Variants in UNC5D observed in about 807,000 individuals in gnomAD.
UNC5D encodes the protein unc-5 netrin receptor D.
In UNC5D, 39 loss-of-function variants were observed where a neutral mutation model predicts 105.4. The observed-to-expected ratio is 0.37, with a 90% CI of 0.29 to 0.48. The LOEUF (loss-of-function observed/expected upper bound fraction) is 0.48. Ranked by LOEUF, UNC5D falls within the 20% of genes least tolerant of loss-of-function variation. The pLI is 0.98. For synonymous variants in UNC5D, 452 were observed against 450.4 expected (o/e 1.00, Z -0.04); for missense variants, 991 against 1,202.4 (o/e 0.82, Z 2.60).
intron 4 of UNC5D, among the ~76,000 whole-genome samples, chr8:35,618,142 A>G (rs1821144849): frequency 6.6e-6 from 1 of 152,192 alleles, no homozygotes; most frequent in Non-Finnish European, 1.5e-5. Context: ...AACAAAAAAC[A>G]GATCTGCATA....
chr8:35,379,950 G>GTACTTCATTGTT (rs549887276), intron 1 of UNC5D, among the ~76,000 whole-genome samples: 2,288 of 151,960 alleles, frequency 0.015, 29 homozygotes, highest in Non-Finnish European at 0.022. Context: ...CTGTAGACTA[G>GTACTTCATTGTT]GTGGCTTAAA....
intron 1 of UNC5D, among the ~76,000 whole-genome samples, chr8:35,270,462 T>C (rs1805201975): frequency 6.6e-6 from 1 of 152,208 alleles, no homozygotes; most frequent in Non-Finnish European, 1.5e-5. Context: ...ATTTTCTGAC[T>C]CTGATTATAT....
rs1563268166 is a variant in UNC5D at position 35,271,699 on chromosome 8, G to GTATACATGTATACATT, written c.103+35819_103+35820insGTATACATTTATACAT. Among the ~76,000 whole-genome samples, 13 of 23,288 alleles carry GTATACATGTATACATT rather than the reference G, an allele frequency of 5.6e-4. 1 individual carries two copies. Among genetic ancestry groups the GTATACATGTATACATT allele is most frequent in the Non-Finnish European group, 7.5e-4 (7 of 9,324 alleles). 15.3% of individuals were successfully genotyped at this position (23,288 alleles called of 152,430 possible). ...CATATATATGTATACATGTATACATGTATACATATATATTTATACATGTAT... is the reference window on the plus strand; with the variant it reads ...CATATATATGTATACATGTATACATGTATACATGTATACATTTATACATATATATTTATACATGTAT... On this transcript the variant is annotated intron_variant, in intron 1 of 16. Coordinates refer to ENST00000404895, the MANE Select transcript of UNC5D (RefSeq NM_080872.4).
intron 1 of UNC5D, among the ~76,000 whole-genome samples, chr8:35,535,013 C>T (rs1450806345): frequency 6.6e-6 from 1 of 151,984 alleles, no homozygotes; most frequent in Non-Finnish European, 1.5e-5. Flanking sequence ...TAATATCTTC[C>T]CCCAAAGTAC....
At chr8:35,724,184 T>C (rs1828735775) in intron 9 of UNC5D, 1 of 1,485,310 alleles carries the variant, frequency 6.7e-7, no homozygotes, top group Non-Finnish European at 8.9e-7. Context: ...ATGTGTATTG[T>C]AAATCTCTAA....
intron 1 of UNC5D, among the ~76,000 whole-genome samples, chr8:35,281,031 T>G (rs1471348749): frequency 2.0e-5 from 3 of 152,194 alleles, no homozygotes; most frequent in African/African-American, 7.2e-5. Flanking sequence ...CACAAAGCCT[T>G]CTTTTTCTGT....
At chr8:35,396,834 G>A (rs1166082066) in intron 1 of UNC5D, among the ~76,000 whole-genome samples, 1 of 150,158 alleles carries the variant, frequency 6.7e-6, no homozygotes, top group African/African-American at 2.5e-5. Flanking sequence ...TAAATTTATA[G>A]GATACATGTG....
intron 16 of UNC5D, among the ~76,000 whole-genome samples, chr8:35,789,754 C>G (rs1270380760): frequency 6.6e-6 from 1 of 151,964 alleles, no homozygotes; most frequent in Non-Finnish European, 1.5e-5. Flanking sequence ...GAAAGAACAA[C>G]AAGAAATCAA....
intron 1 of UNC5D, among the ~76,000 whole-genome samples, chr8:35,304,161 A>ATATTT (rs1808168227): frequency 6.6e-6 from 1 of 151,968 alleles, no homozygotes; most frequent in African/African-American, 2.4e-5. Flanking sequence ...TTCATATTTC[A>ATATTT]CATATTTCAC....
intron 1 of UNC5D, among the ~76,000 whole-genome samples, chr8:35,280,617 GA>G (rs1192735297): frequency 6.6e-6 from 1 of 152,146 alleles, no homozygotes; most frequent in Non-Finnish European, 1.5e-5. Context: ...ACTGTCAACT[GA>G]AATAGAGTTC....
At chr8:35,467,653 C>G (rs1809407447) in intron 1 of UNC5D, among the ~76,000 whole-genome samples, 1 of 148,648 alleles carries the variant, frequency 6.7e-6, no homozygotes, top group Admixed American at 6.7e-5. Context: ...ATTTAAAGAA[C>G]TTTCAGATAG....
At chr8:35,713,716 A>G (rs904484200) in intron 8 of UNC5D, among the ~76,000 whole-genome samples, 2 of 152,208 alleles carry the variant, frequency 1.3e-5, no homozygotes, top group African/African-American at 4.8e-5. Flanking sequence ...TTTGTTGCCA[A>G]CCTTGGAAGG....
chr8:35,332,843 G>A (rs2128894970), intron 1 of UNC5D, among the ~76,000 whole-genome samples: 1 of 152,296 alleles, frequency 6.6e-6, no homozygotes, highest in Non-Finnish European at 1.5e-5. Context: ...TGGGGACAAA[G>A]AAGATAAAGT....
At chr8:35,589,406 C>CTT (rs34226092) in intron 3 of UNC5D, among the ~76,000 whole-genome samples, 46 of 136,322 alleles carry the variant, frequency 3.4e-4, no homozygotes, top group African/African-American at 5.1e-4. Flanking sequence ...GAGCTCTCAT[C>CTT]TTTTTTTTTT....
chr8:35,336,014 T>C (rs1811008419), intron 1 of UNC5D, among the ~76,000 whole-genome samples: 1 of 151,918 alleles, frequency 6.6e-6, no homozygotes, highest in South Asian at 2.1e-4. Flanking sequence ...CCGCCTGCAT[T>C]AGCCTCCCAA....
chr8:35,769,249 A>G (rs1296717611), intron 15 of UNC5D, among the ~76,000 whole-genome samples: 1 of 151,748 alleles, frequency 6.6e-6, no homozygotes, highest in East Asian at 1.9e-4. Context: ...ATAAGGGAGT[A>G]GAGCCACAGT....
At chr8:35,249,994 T>A (rs750704169) in intron 1 of UNC5D, among the ~76,000 whole-genome samples, 2 of 152,044 alleles carry the variant, frequency 1.3e-5, no homozygotes, top group Non-Finnish European at 2.9e-5. Context: ...GGTGAGAACA[T>A]CATAGGTGCT....
At chr8:35,279,332 A>T (rs1805989890) in intron 1 of UNC5D, among the ~76,000 whole-genome samples, 1 of 152,210 alleles carries the variant, frequency 6.6e-6, no homozygotes, top group South Asian at 2.1e-4. Context: ...GTCCACCTGT[A>T]CCTTGGTGAG....
chr8:35,248,714 A>G (rs1374332092), intron 1 of UNC5D, among the ~76,000 whole-genome samples: 1 of 98,328 alleles, frequency 1.0e-5, no homozygotes, highest in East Asian at 3.2e-4. Flanking sequence ...TATAATATAT[A>G]TAAAATATAT....
Sources: allele counts gnomAD v4.1 joint callset (sites outside exome capture counted in the v4.1 genomes callset), GRCh38; gene constraint gnomAD v4.1.1; transcripts MANE v1.5; gene names NCBI Gene and HGNC (gene_info 2026-07-23, HGNC 2026-07-21).